FRAS1: variants seen among roughly 807,000 people sequenced by gnomAD.
FRAS1 encodes extracellular matrix organizing protein FRAS1.
Under a neutral mutation model 435.2 loss-of-function variants are expected in FRAS1, and 290 were observed. The ratio of observed to expected loss-of-function variants is 0.67; its 90% CI spans 0.61 to 0.73. FRAS1 has a LOEUF of 0.73. Ranked by LOEUF, FRAS1 falls within the 30% of genes least tolerant of loss-of-function variation. The probability of loss-of-function intolerance (pLI) is 0.00; values close to 1 mark genes in which losing one functional copy is unlikely to be tolerated. For synonymous variants in FRAS1, 1,800 were observed against 1,851.0 expected (o/e 0.97, Z 0.71); for missense variants, 4,860 against 5,001.5 (o/e 0.97, Z 0.85).
At chr4:78,535,781 C>T (rs1414495479) in intron 71 of FRAS1, among the ~76,000 whole-genome samples, 1 of 152,184 alleles carries the variant, frequency 6.6e-6, no homozygotes, top group Non-Finnish European at 1.5e-5. Context: ...AAGTGTGTTA[C>T]TACCTTTCCG....
chr4:78,454,428 G>A (rs1719123437), intron 47 of FRAS1, among the ~76,000 whole-genome samples: 1 of 152,164 alleles, frequency 6.6e-6, no homozygotes, highest in Non-Finnish European at 1.5e-5. Context: ...TGTATGGCAG[G>A]AGGGCATGCA....
At chr4:78,514,926 G>A (rs1721157229) in intron 65 of FRAS1, among the ~76,000 whole-genome samples, 1 of 151,968 alleles carries the variant, frequency 6.6e-6, no homozygotes, top group South Asian at 2.1e-4. Context: ...AAATTAGCCA[G>A]GTGTGGTGAC....
At chr4:78,081,955 T>TA (rs1304944873) in intron 2 of FRAS1, among the ~76,000 whole-genome samples, 1 of 152,126 alleles carries the variant, frequency 6.6e-6, no homozygotes, top group Admixed American at 6.6e-5. Flanking sequence ...TCTGTGCTCT[T>TA]CTTGTTTAAA....
chr4:78,449,316 T>C (rs1718948379), intron 44 of FRAS1, among the ~76,000 whole-genome samples: 1 of 151,986 alleles, frequency 6.6e-6, no homozygotes, highest in Admixed American at 6.5e-5. Context: ...GAATTCTCCA[T>C]GTTACAGCAG....
At chr4:78,118,449 G>A (rs1718797200) in intron 2 of FRAS1, among the ~76,000 whole-genome samples, 1 of 152,120 alleles carries the variant, frequency 6.6e-6, no homozygotes, top group African/African-American at 2.4e-5. Context: ...TACAGAGGCA[G>A]GCAGGCCTCC....
In FRAS1 at chr4:78,406,830, C is replaced by T. The variant is rs147502441; in HGVS notation, c.4130-833C>T. 4.6e-4 allele frequency among the ~76,000 whole-genome samples: 70 copies of T among 152,288 alleles called. No individual in the cohort carries two copies. In the East Asian group the frequency reaches 0.01, roughly 22 times the overall value. ...TAGTGGGGTGCCTGCCGTATGTCTTCCACTGTTAGCTATTACAAGTTGAGC... is the reference window on the plus strand; with the variant it reads ...TAGTGGGGTGCCTGCCGTATGTCTTTCACTGTTAGCTATTACAAGTTGAGC... On this transcript the variant is annotated intron_variant, in intron 30 of 73. Transcript: ENST00000512123.
At chr4:78,518,784 A>G (rs1721296957) in intron 66 of FRAS1, among the ~76,000 whole-genome samples, 1 of 152,174 alleles carries the variant, frequency 6.6e-6, no homozygotes, top group Non-Finnish European at 1.5e-5. Flanking sequence ...CTTCCTATAT[A>G]TGATTTCAAT....
intron 19 of FRAS1, among the ~76,000 whole-genome samples, chr4:78,337,118 C>T (rs1474026205): frequency 1.3e-5 from 2 of 152,096 alleles, no homozygotes; most frequent in African/African-American, 2.4e-5. Flanking sequence ...TTTTTCTGTT[C>T]TTTGTATTTT....
At chr4:78,302,540 T>C (rs1263469524) in intron 14 of FRAS1, among the ~76,000 whole-genome samples, 1 of 152,140 alleles carries the variant, frequency 6.6e-6, no homozygotes, top group African/African-American at 2.4e-5. Flanking sequence ...TTTTAATGAT[T>C]GCCATTCTAA....
intron 15 of FRAS1, among the ~76,000 whole-genome samples, chr4:78,310,225 A>G (rs1728962700): frequency 6.6e-6 from 1 of 152,214 alleles, no homozygotes; most frequent in Non-Finnish European, 1.5e-5. Flanking sequence ...TGTATTCTCT[A>G]AAGGTCGACA....
Position 78,540,762 on chromosome 4 carries a change from T to A in FRAS1, c.11677T>A (p.Leu3893Met). Reference protein sequence around the residue: ...MKSLNLEMQELAVAASLSQTG... With the variant: ...MKSLNLEMQEMAVAASLSQTG... Reference sequence around the variant, plus strand: ...GTCCCTGAATCTGGAGATGCAAGAGTTGGCGGTAGCTGCGTCCCTGTCACA... The same window carrying A: ...GTCCCTGAATCTGGAGATGCAAGAGATGGCGGTAGCTGCGTCCCTGTCACA... The change falls in exon 74 of 74, where the codon TTG becomes ATG. Residue 3893 changes from leucine (L) to methionine (M), a missense_variant. Transcript: ENST00000512123. 1 of 1,613,738 alleles carries A rather than the reference T, an allele frequency of 6.2e-7. No homozygotes were observed. Among genetic ancestry groups the A allele is most frequent in the Non-Finnish European group, 8.5e-7 (1 of 1,179,754 alleles).
At chr4:78,245,482 G>A (rs1024491571) in intron 4 of FRAS1, among the ~76,000 whole-genome samples, 157 bp downstream of exon 4, 5 of 152,102 alleles carry the variant, frequency 3.3e-5, no homozygotes, top group Non-Finnish European at 5.9e-5. Context: ...TAGGTTTCTT[G>A]TATAAGAGTA....
chr4:78,122,957 C>G (rs1324284055), intron 2 of FRAS1, among the ~76,000 whole-genome samples: 1 of 152,064 alleles, frequency 6.6e-6, no homozygotes, highest in Non-Finnish European at 1.5e-5. Flanking sequence ...GTTTCTTTTG[C>G]TGCGAAGAAG....
At chr4:78,387,253 T>C in intron 28 of FRAS1, 122 bp from the exon 29 acceptor site, 1 of 704,126 alleles carries the variant, frequency 1.4e-6, no homozygotes, top group East Asian at 2.7e-5. Flanking sequence ...TAGAACAGTT[T>C]GGTGCTTTGC....
At chr4:78,115,404 G>T (rs2109949391) in intron 2 of FRAS1, among the ~76,000 whole-genome samples, 1 of 152,258 alleles carries the variant, frequency 6.6e-6, no homozygotes, top group East Asian at 1.9e-4. Flanking sequence ...AGAAGGAATG[G>T]TACCAGCTCC....
intron 50 of FRAS1, among the ~76,000 whole-genome samples, chr4:78,467,324 G>C (rs1435679023): frequency 1.3e-5 from 2 of 152,086 alleles, no homozygotes; most frequent in African/African-American, 4.8e-5. Flanking sequence ...GAGAACATGT[G>C]ATGTTTGATT....
At position 78,255,247 on chromosome 4, in the gene FRAS1, T is replaced by C. The variant is rs368162375; in HGVS notation, c.475T>C (p.Cys159Arg). ...CPVCVGLGKP[C>R]SYEGHVFQDG... Reference sequence around the variant, plus strand: ...TTGTTTCTTTGACCTTCCAGAACCCTGTTCCTATGAAGGCCATGTGTTTCA... The same window carrying C: ...TTGTTTCTTTGACCTTCCAGAACCCCGTTCCTATGAAGGCCATGTGTTTCA... The change falls in exon 6 of 74, where the codon TGT becomes CGT. Residue 159 changes from cysteine to arginine, a missense_variant. Physicochemically the swap from Cys to Arg is radical, Grantham distance 180. Transcript: ENST00000512123. 3 of 1,552,068 alleles carry C rather than the reference T, an allele frequency of 1.9e-6. No individual in the cohort carries two copies. The highest frequency in any genetic ancestry group is 2.6e-6 in the Non-Finnish European group (3 of 1,147,098).
intron 20 of FRAS1, among the ~76,000 whole-genome samples, chr4:78,344,499 G>C (rs906036805): frequency 1.9e-5 from 2 of 105,622 alleles, no homozygotes; most frequent in South Asian, 2.4e-4. Flanking sequence ...TGATTCCAGA[G>C]TCTGGAATGT....
chr4:78,537,664 A>G (rs893692337), intron 72 of FRAS1, among the ~76,000 whole-genome samples: 1 of 152,224 alleles, frequency 6.6e-6, no homozygotes, highest in Non-Finnish European at 1.5e-5. Flanking sequence ...AAAAAGAGGC[A>G]GGGCGTGGTG....
Sources: allele counts gnomAD v4.1 joint callset (sites outside exome capture counted in the v4.1 genomes callset), GRCh38; gene constraint gnomAD v4.1.1; transcripts MANE v1.5; gene names NCBI Gene and HGNC (gene_info 2026-07-23, HGNC 2026-07-21).